Variants in LACTB observed in about 807,000 individuals in gnomAD.
LACTB encodes the protein serine beta-lactamase-like protein LACTB, mitochondrial.
LACTB carries 35 observed loss-of-function variants against 50.2 expected under a neutral mutation model. The ratio of observed to expected loss-of-function variants is 0.70; its 90% CI spans 0.53 to 0.92. LACTB has a LOEUF of 0.92. Ranked by LOEUF, LACTB falls within the 40% of genes least tolerant of loss-of-function variation. LACTB has a pLI of 0.00. For synonymous variants in LACTB, 252 were observed against 268.2 expected (o/e 0.94, Z 0.59); for missense variants, 664 against 691.8 (o/e 0.96, Z 0.45).
chr15:63,140,671 G>A (rs1244654286), intron 5 of LACTB, among the ~76,000 whole-genome samples: 1 of 151,920 alleles, frequency 6.6e-6, no homozygotes, highest in Non-Finnish European at 1.5e-5. Context: ...TTTTTAGATA[G>A]GGTCTTGCTT....
rs1157992815 is a variant in LACTB, at chr15:63,142,009, TTTAC to T, written c.*207_*210del. The T allele has an allele frequency of 6.2e-6, 3 of 487,220 alleles. No homozygotes were observed. Among genetic ancestry groups the T allele is most frequent in the African/African-American group, 1.9e-5 (1 of 52,598 alleles). 30.2% of individuals were successfully genotyped at this position (487,220 alleles called of 1,614,324 possible). ...TACTCAGGGAAGTAATTATATTGTT[TTTAC>T]TTTTTGAAAAAAGTGTTAACTCTTG... On this transcript the variant is annotated 3_prime_UTR_variant, in exon 6 of 6. Transcript: ENST00000261893.
intron 5 of LACTB, among the ~76,000 whole-genome samples, chr15:63,132,046 AT>A (rs770316795): frequency 7.9e-5 from 12 of 151,926 alleles, no homozygotes; most frequent in Non-Finnish European, 1.0e-4. Flanking sequence ...TAATCCCCTA[AT>A]TTCTTTTTGT....
chr15:63,141,716 G>GT lies in LACTB; in HGVS notation c.1558dup (p.Ser520PhefsTer5), dbSNP rs2037231308. The GT allele has an allele frequency of 6.2e-7, 1 of 1,614,036 alleles. No homozygotes were observed. Among genetic ancestry groups the GT allele is most frequent in the African/African-American group, 1.3e-5 (1 of 74,908 alleles). ...CAAGGTTCCCCCAAGAGGAATCATT[G>GT]TTTCTATCATATGTAACATGCAATC... On this transcript the variant is annotated frameshift_variant, in exon 6 of 6. Coordinates refer to ENST00000261893, the MANE Select transcript of LACTB (RefSeq NM_032857.5). LOFTEE classifies it high-confidence loss of function.
Position 63,141,908 on chromosome 15 carries a change from T to C in LACTB, c.*103T>C. The C allele has an allele frequency of 1.0e-6, 1 of 968,340 alleles. No homozygotes were observed. Among genetic ancestry groups the C allele is most frequent in the East Asian group, 2.6e-5 (1 of 38,566 alleles). The allele number at this position is 968,340 out of a possible 1,614,324, so 60.0% of individuals were successfully genotyped here. On this transcript the variant is annotated 3_prime_UTR_variant, in exon 6 of 6. Transcript: ENST00000261893. Reference sequence around the variant, plus strand: ...TTAAGAATAAATTTGAAATAGAGTATAACTGAATGCAGAGAATTATGTACC... The same window carrying C: ...TTAAGAATAAATTTGAAATAGAGTACAACTGAATGCAGAGAATTATGTACC...
At chr15:63,128,962 C>T (rs191826484) in intron 4 of LACTB, among the ~76,000 whole-genome samples, 23 of 152,212 alleles carry the variant, frequency 1.5e-4, no homozygotes, top group Non-Finnish European at 2.8e-4. Context: ...AGGCTGGTCT[C>T]GAACTCCTGA....
At position 63,141,859 on chromosome 15, in the gene LACTB, T is replaced by C; in HGVS notation, c.*54T>C. On this transcript the variant is annotated 3_prime_UTR_variant, in exon 6 of 6. Transcript: ENST00000261893. ...GTTGTTCTGAGGTTTTTTTGAAACA[T>C]TAAAGTTCCAAAACATGACATTTTT... 1 of 1,440,214 alleles carries C rather than the reference T, an allele frequency of 6.9e-7. No individual in the cohort carries two copies. The highest frequency in any genetic ancestry group is 1.4e-5 in the African/African-American group (1 of 70,482). 89.2% of individuals were successfully genotyped at this position (1,440,214 alleles called of 1,614,324 possible).
chr15:63,128,688 A>G (rs1013781225), intron 4 of LACTB, among the ~76,000 whole-genome samples: 12 of 152,192 alleles, frequency 7.9e-5, no homozygotes, highest in African/African-American at 2.9e-4. Flanking sequence ...ATATATTTAA[A>G]TTCAAATATG....
At chr15:63,125,862 C>CT (rs71287042) in intron 2 of LACTB, 100,913 of 142,728 alleles carry the variant, frequency 0.71, 36,399 homozygotes, top group East Asian at 0.98. Context: ...TTCTTTCTTT[C>CT]TTTTTTTTTT....
intron 2 of LACTB, 22 bp from the exon 3 acceptor site, chr15:63,126,836 CT>C: frequency 6.9e-7 from 1 of 1,453,990 alleles, no homozygotes; most frequent in Non-Finnish European, 9.2e-7. Context: ...TTAATAGTGA[CT>C]TTTTGCTTTT....
chr15:63,127,245 C>A, intron 3 of LACTB, 108 bp from the exon 4 acceptor site: 1 of 1,015,504 alleles, frequency 9.8e-7, no homozygotes, highest in Non-Finnish European at 1.4e-6. Flanking sequence ...GACATTTTCC[C>A]AGCAGCAGTT....
At chr15:63,127,792 G>A (rs1048875772) in intron 4 of LACTB, 103 bp downstream of exon 4, 2 of 794,304 alleles carry the variant, frequency 2.5e-6, no homozygotes, top group African/African-American at 3.5e-5. Flanking sequence ...TGAGGTTGAT[G>A]ATTGTGATAC....
At chr15:63,141,208 A>G in intron 5 of LACTB, 72 bp from the exon 6 acceptor site, 3 of 1,497,642 alleles carry the variant, frequency 2.0e-6, no homozygotes, top group East Asian at 2.3e-5. Flanking sequence ...TCTCATGTAT[A>G]CATTTTTCTA....
chr15:63,132,226 CT>C (rs1421249594), intron 5 of LACTB, among the ~76,000 whole-genome samples: 1 of 152,034 alleles, frequency 6.6e-6, no homozygotes, highest in Non-Finnish European at 1.5e-5. Flanking sequence ...TTTTTGAGTC[CT>C]TGGTGTCTCT....
At chr15:63,129,714 A>C (rs1213438509) in intron 5 of LACTB, 64 bp downstream of exon 5, 113 of 1,365,452 alleles carry the variant, frequency 8.3e-5, no homozygotes, top group Non-Finnish European at 1.0e-4. Context: ...ATTAATTAAA[A>C]GTCAAATTTT....
intron 3 of LACTB, 124 bp from the exon 4 acceptor site, chr15:63,127,229 G>T: frequency 1.0e-6 from 1 of 980,054 alleles, no homozygotes; most frequent in Non-Finnish European, 1.5e-6. Flanking sequence ...CTAAGGATTT[G>T]TACATGACAT....
intron 5 of LACTB, chr15:63,129,894 A>C: frequency 3.0e-6 from 1 of 329,272 alleles, no homozygotes; most frequent in Non-Finnish European, 5.1e-6. Context: ...CTAAACCAAA[A>C]TTGCACCCAC....
chr15:63,121,903 G>C lies in LACTB; in HGVS notation c.32G>C (p.Arg11Pro). 1 of 1,415,032 alleles carries C rather than the reference G, an allele frequency of 7.1e-7. No individual in the cohort carries two copies. Among genetic ancestry groups the C allele is most frequent in the South Asian group, 1.6e-5 (1 of 63,512 alleles). 87.7% of individuals were successfully genotyped at this position (1,415,032 alleles called of 1,614,324 possible). A position where few individuals can be genotyped will look rare whatever the true frequency, so the allele number is the denominator to read the frequency against. MYRLMSAVTARAAAPGGLASS... is the reference protein window; with the variant it reads MYRLMSAVTAPAAAPGGLASS... ...CGGCTCATGTCAGCAGTGACTGCCC[G>C]GGCTGCCGCCCCCGGGGGCTTGGCC... Residue 11 changes from arginine (R) to proline (P), a missense_variant, in exon 1 of 6, where the codon CGG becomes CCG. Physicochemically the swap from Arg to Pro is moderately radical, Grantham distance 103. Transcript: ENST00000261893.
chr15:63,132,433 CTTTAT>C (rs1257468382), intron 5 of LACTB, among the ~76,000 whole-genome samples: 1 of 151,818 alleles, frequency 6.6e-6, no homozygotes, highest in African/African-American at 2.4e-5. Flanking sequence ...TGATTTTCTG[CTTTAT>C]TTTGTGTGTG....
intron 5 of LACTB, chr15:63,131,470 T>C (rs1566992011): frequency 6.6e-6 from 1 of 152,240 alleles, no homozygotes; most frequent in Non-Finnish European, 1.5e-5. Context: ...ATTGCTTACC[T>C]ATATGTGTAT....
Sources: allele counts gnomAD v4.1 joint callset (sites outside exome capture counted in the v4.1 genomes callset), GRCh38; gene constraint gnomAD v4.1.1; transcripts MANE v1.5; gene names NCBI Gene and HGNC (gene_info 2026-07-23, HGNC 2026-07-21).